Variants in FAM13A observed in about 807,000 individuals in gnomAD.
FAM13A encodes the protein family with sequence similarity 13 member A.
FAM13A carries 76 observed loss-of-function variants against 129.6 expected under a neutral mutation model. That is an observed-to-expected ratio of 0.59 (90% CI 0.49 to 0.71). The LOEUF (loss-of-function observed/expected upper bound fraction) is 0.71. FAM13A is among the 30% of genes least tolerant of loss of function. The probability of loss-of-function intolerance (pLI) is 0.00; values close to 1 mark genes in which losing one functional copy is unlikely to be tolerated. For missense variants in FAM13A, 1,108 were observed against 1,249.3 expected (o/e 0.89, Z 1.70); for synonymous variants, 443 against 449.9 (o/e 0.98, Z 0.20).
chr4:88,797,653 T>C (rs530135025), intron 8 of FAM13A, among the ~76,000 whole-genome samples: 1 of 152,304 alleles, frequency 6.6e-6, no homozygotes, highest in South Asian at 2.1e-4. Flanking sequence ...GACTGATTTT[T>C]AATCATTTCT....
At chr4:88,983,344 T>G (rs1042431820) in intron 4 of FAM13A, among the ~76,000 whole-genome samples, 1 of 151,892 alleles carries the variant, frequency 6.6e-6, no homozygotes, top group Non-Finnish European at 1.5e-5. Context: ...AAAATAAGTA[T>G]TCAACAAGGA....
intron 1 of FAM13A, among the ~76,000 whole-genome samples, chr4:89,046,127 C>T (rs1017661999): frequency 6.6e-6 from 1 of 151,978 alleles, no homozygotes; most frequent in African/African-American, 2.4e-5. Context: ...CAGACAAAGG[C>T]TAAGAGAATA....
At chr4:88,730,746 AT>A (rs561177783) in intron 23 of FAM13A, among the ~76,000 whole-genome samples, 1 of 152,102 alleles carries the variant, frequency 6.6e-6, no homozygotes, top group Non-Finnish European at 1.5e-5. Context: ...TATCACCTTC[AT>A]TTTTGAAATG....
rs1307513603 is a variant in FAM13A at position 88,726,899 on chromosome 4, A to AACTT, written c.*1630_*1633dup. 4 of 152,656 alleles carry AACTT rather than the reference A, an allele frequency of 2.6e-5. No homozygotes were observed. The highest frequency in any genetic ancestry group is 2.1e-4 in the South Asian group (1 of 4,838). The allele number at this position is 152,656 out of a possible 1,614,324, so 9.5% of individuals were successfully genotyped here. A position where few individuals can be genotyped will look rare whatever the true frequency, so the allele number is the denominator to read the frequency against. On this transcript the variant is annotated 3_prime_UTR_variant, in exon 24 of 24. Transcript: ENST00000264344. Reference sequence around the variant, plus strand: ...TCAAGCTTCCATACGATTAAGAGCAAACTTAAAGGCATTCTTTTTCCCCAT... The same window carrying AACTT: ...TCAAGCTTCCATACGATTAAGAGCAAACTTACTTAAAGGCATTCTTTTTCCCCAT...
intron 7 of FAM13A, among the ~76,000 whole-genome samples, chr4:88,842,751 C>T (rs192571913): frequency 1.6e-3 from 245 of 152,336 alleles, no homozygotes; most frequent in African/African-American, 5.6e-3. Flanking sequence ...TATGACAATA[C>T]ATTTCTTTAC....
chr4:88,737,394 T>C, intron 21 of FAM13A, 78 bp downstream of exon 21: 1 of 1,229,254 alleles, frequency 8.1e-7, no homozygotes, highest in Non-Finnish European at 1.2e-6. Context: ...CACACCCCCT[T>C]TCCATTCACC....
rs142751466 is a variant in FAM13A, at chr4:88,998,043, T to C, written c.428-6893A>G. 2.9e-3 allele frequency among the ~76,000 whole-genome samples: 445 copies of C among 152,260 alleles called. 7 individuals carry two copies. In the East Asian group the frequency reaches 0.034, roughly 11 times the overall value. Reference sequence around the variant, plus strand: ...TAGAGACTTCAGCCTTACAACTGCATGGAAGTGAATTCTGCCAACACTATG... The same window carrying C: ...TAGAGACTTCAGCCTTACAACTGCACGGAAGTGAATTCTGCCAACACTATG... On this transcript the variant is annotated intron_variant, in intron 3 of 23. Coordinates refer to ENST00000264344, the MANE Select transcript of FAM13A (RefSeq NM_014883.4).
chr4:88,965,793 T>C (rs1291574726), intron 4 of FAM13A, among the ~76,000 whole-genome samples: 4 of 152,238 alleles, frequency 2.6e-5, no homozygotes, highest in African/African-American at 9.6e-5. Context: ...AGATACTTCA[T>C]ATAAGTGGAG....
chr4:88,783,209 A>G (rs190824418), intron 10 of FAM13A, among the ~76,000 whole-genome samples: 1 of 152,286 alleles, frequency 6.6e-6, no homozygotes, highest in East Asian at 1.9e-4. Flanking sequence ...GTCCTAACAA[A>G]TACTAGGTCT....
chr4:88,735,060 C>T (rs1738702778), intron 21 of FAM13A, among the ~76,000 whole-genome samples: 1 of 152,078 alleles, frequency 6.6e-6, no homozygotes, highest in Non-Finnish European at 1.5e-5. Flanking sequence ...GTCTGGAACC[C>T]GTATCACATA....
At chr4:88,898,847 T>C (rs576044021) in intron 6 of FAM13A, among the ~76,000 whole-genome samples, 6 of 152,242 alleles carry the variant, frequency 3.9e-5, no homozygotes, top group Non-Finnish European at 7.4e-5. Context: ...ACAACCACTA[T>C]GGAAAACAGT....
intron 4 of FAM13A, among the ~76,000 whole-genome samples, chr4:88,976,441 A>C (rs1760910732): frequency 6.6e-6 from 1 of 152,180 alleles, no homozygotes; most frequent in Non-Finnish European, 1.5e-5. Context: ...ATGTTCCAAG[A>C]ACCTGAATAC....
At chr4:88,818,137 G>C (rs1282258043) in intron 7 of FAM13A, among the ~76,000 whole-genome samples, 1 of 146,750 alleles carries the variant, frequency 6.8e-6, no homozygotes, top group African/African-American at 2.5e-5. Flanking sequence ...GAGCATGCCA[G>C]CACGCCCAGA....
chr4:88,833,577 A>G (rs1175333445), intron 7 of FAM13A, among the ~76,000 whole-genome samples: 1 of 152,216 alleles, frequency 6.6e-6, no homozygotes, highest in Admixed American at 6.5e-5. Flanking sequence ...GAAACAAAAT[A>G]TTTAAAAATT....
At chr4:88,878,013 G>T (rs1742848240) in intron 6 of FAM13A, among the ~76,000 whole-genome samples, 1 of 152,094 alleles carries the variant, frequency 6.6e-6, no homozygotes, top group Non-Finnish European at 1.5e-5. Flanking sequence ...TTTTGGCTGG[G>T]CGCGGTGGCT....
intron 5 of FAM13A, among the ~76,000 whole-genome samples, chr4:88,933,285 C>T (rs1474854680): frequency 1.3e-5 from 2 of 152,170 alleles, no homozygotes; most frequent in East Asian, 3.9e-4. Flanking sequence ...TTTGCATGAA[C>T]CCTATTACAT....
chr4:88,804,744 G>A (rs1393259441), intron 8 of FAM13A, among the ~76,000 whole-genome samples: 1 of 151,866 alleles, frequency 6.6e-6, no homozygotes, highest in Non-Finnish European at 1.5e-5. Flanking sequence ...TAATCATCAG[G>A]CAGTTTTTAA....
At position 89,014,164 on chromosome 4, in the gene FAM13A, G is replaced by A. The variant is rs552617664; in HGVS notation, c.427+6296C>T. On this transcript the variant is annotated intron_variant, in intron 3 of 23. Transcript: ENST00000264344. Reference sequence around the variant, plus strand: ...GATTGTAAAATAAAAATTCGTAGACGGTAATCCTACAGATGCATGACAATA... The same window carrying A: ...GATTGTAAAATAAAAATTCGTAGACAGTAATCCTACAGATGCATGACAATA... 1.2e-4 allele frequency among the ~76,000 whole-genome samples: 18 copies of A among 152,240 alleles called. No homozygotes were observed. In the South Asian group the frequency reaches 1.2e-3, roughly 11 times the overall value.
chr4:88,924,495 A>C (rs1751743023), intron 5 of FAM13A, among the ~76,000 whole-genome samples: 1 of 152,254 alleles, frequency 6.6e-6, no homozygotes, highest in South Asian at 2.1e-4. Context: ...AAAACTGGCT[A>C]GCCATATGTA....
Sources: gnomAD v4.1 joint callset for allele counts (sites outside exome capture counted in the v4.1 genomes callset) on GRCh38, gnomAD v4.1.1 for gene constraint, MANE v1.5 for transcripts, NCBI Gene and HGNC (gene_info 2026-07-23, HGNC 2026-07-21) for gene names.